Variants in DOCK4 observed in about 807,000 individuals in gnomAD.
The protein encoded by DOCK4 is dedicator of cytokinesis 4, also known as dedicator of cytokinesis protein 4.
A neutral mutation model predicts 268.1 loss-of-function variants in DOCK4; 97 were observed. The observed-to-expected ratio is 0.36, with a 90% CI of 0.31 to 0.43. The LOEUF (loss-of-function observed/expected upper bound fraction) is 0.43. DOCK4 is among the 20% of genes least tolerant of loss of function. The pLI is 1.00. For missense variants in DOCK4, 2,145 were observed against 2,455.7 expected (o/e 0.87, Z 2.67); for synonymous variants, 954 against 887.2 (o/e 1.08, Z -1.34).
At chr7:111,940,689 A>G (rs1795136123) in intron 10 of DOCK4, among the ~76,000 whole-genome samples, 1 of 152,232 alleles carries the variant, frequency 6.6e-6, no homozygotes, top group African/African-American at 2.4e-5. Context: ...GCAAGTAAGC[A>G]CAGGTGATCA....
chr7:112,204,257 A>T (rs1587057744), intron 1 of DOCK4, among the ~76,000 whole-genome samples: 2 of 152,322 alleles, frequency 1.3e-5, no homozygotes, highest in Admixed American at 1.3e-4. Flanking sequence ...GTGACCTGGC[A>T]CATGAAGAAA....
At chr7:112,139,137 G>C (rs1048012873) in intron 1 of DOCK4, among the ~76,000 whole-genome samples, 1 of 152,200 alleles carries the variant, frequency 6.6e-6, no homozygotes, top group South Asian at 2.1e-4. Flanking sequence ...ATAAGAAACC[G>C]GTAGCTTCAA....
rs1371121648 is a variant in DOCK4 at position 112,181,660 on chromosome 7, G to A, written c.37+24442C>T. ...GTCTCAAAAAAAAAAAAAAAAAAAA[G>A]CTTGACACTGAAAACCAGAAGAGGA... On this transcript the variant is annotated intron_variant, in intron 1 of 52. Coordinates refer to ENST00000428084, the MANE Select transcript of DOCK4 (RefSeq NM_001363540.2). Among the ~76,000 whole-genome samples, 82 of 56,656 alleles carry A rather than the reference G, an allele frequency of 1.4e-3. 1 individual carries two copies. The highest frequency in any genetic ancestry group is 1.6e-3 in the Non-Finnish European group (44 of 27,032). The allele number at this position is 56,656 out of a possible 152,430, so 37.2% of individuals were successfully genotyped here. A position where few individuals can be genotyped will look rare whatever the true frequency, so the allele number is the denominator to read the frequency against.
intron 51 of DOCK4, among the ~76,000 whole-genome samples, chr7:111,732,687 C>T (rs1795184116): frequency 6.6e-6 from 1 of 152,146 alleles, no homozygotes; most frequent in Admixed American, 6.5e-5. Flanking sequence ...GGCGTGAGCA[C>T]CAATGGGAAC....
intron 1 of DOCK4, among the ~76,000 whole-genome samples, chr7:112,042,511 T>C (rs528233773): frequency 1.1e-4 from 16 of 152,250 alleles, no homozygotes; most frequent in African/African-American, 3.9e-4. Context: ...TAACACATGC[T>C]GAGTAGAAGT....
At position 111,937,351 on chromosome 7, in the gene DOCK4, T is replaced by A. The variant is rs138047965; in HGVS notation, c.978-1723A>T. On this transcript the variant is annotated intron_variant, in intron 11 of 52. Coordinates refer to ENST00000428084, the MANE Select transcript of DOCK4 (RefSeq NM_001363540.2). ...GGTTAGTATTACTCTTGAAACAGCA[T>A]CACTATTTGCTGAATGGGCATTTTT... 3.3e-5 allele frequency among the ~76,000 whole-genome samples: 5 copies of A among 152,314 alleles called. No homozygotes were observed. In the East Asian group the frequency reaches 9.6e-4, roughly 29 times the overall value.
intron 8 of DOCK4, among the ~76,000 whole-genome samples, chr7:111,949,922 C>A (rs1242001150): frequency 1.3e-5 from 2 of 152,044 alleles, no homozygotes; most frequent in African/African-American, 4.8e-5. Flanking sequence ...ATACTGCATT[C>A]TTTTTTTTCC....
At chr7:111,977,040 A>G in intron 8 of DOCK4, 92 bp downstream of exon 8, 1 of 1,407,540 alleles carries the variant, frequency 7.1e-7, no homozygotes, top group South Asian at 1.6e-5. Flanking sequence ...GGAGTAAAAA[A>G]TATACAAGAT....
rs144414657 is a variant in DOCK4, at chr7:112,133,498, G to A, written c.37+72604C>T. ...TGTAATCCCAGCACTTTGGCAGGCC[G>A]AGGCGGGTGTATCACTTGAACTAAG... On this transcript the variant is annotated intron_variant, in intron 1 of 52. Coordinates refer to ENST00000428084, the MANE Select transcript of DOCK4 (RefSeq NM_001363540.2). Among the ~76,000 whole-genome samples the A allele has an allele frequency of 6.3e-3, 952 of 152,198 alleles. 11 individuals carry two copies. Among genetic ancestry groups the A allele is most frequent in the African/African-American group, 0.022 (899 of 41,510 alleles).
At chr7:111,894,158 C>T (rs971585605) in intron 16 of DOCK4, among the ~76,000 whole-genome samples, 1 of 150,168 alleles carries the variant, frequency 6.7e-6, no homozygotes, top group South Asian at 2.1e-4. Context: ...GGAGGCAGAG[C>T]TTGCAGTGAG....
rs1464068501 is a variant in DOCK4 at position 111,782,919 on chromosome 7, C to A, written c.3530G>T (p.Cys1177Phe). The A allele has an allele frequency of 6.2e-7, 1 of 1,612,738 alleles. No individual in the cohort carries two copies. The highest frequency in any genetic ancestry group is 2.2e-5 in the East Asian group (1 of 44,824). ...LMERLLDYRD[C>F]MKMGEVDGKK... ...GCCATCTACCTCTCCCATTTTCATG[C>A]AGTCCCTAAAAACAAAAAGCAATAG... is the stretch of plus-strand genomic sequence containing the variant. The change falls in exon 35 of 53, where the codon TGC becomes TTC. Residue 1177 changes from cysteine (C) to phenylalanine (F), a missense_variant. Cys to Phe is a radical substitution (Grantham distance 205). Coordinates refer to ENST00000428084, the MANE Select transcript of DOCK4 (RefSeq NM_001363540.2).
intron 1 of DOCK4, among the ~76,000 whole-genome samples, chr7:112,058,111 G>A (rs1806014738): frequency 6.9e-6 from 1 of 144,114 alleles, no homozygotes; most frequent in Non-Finnish European, 1.5e-5. Context: ...CAAAATGTTT[G>A]GAAAATATTT....
chr7:112,076,510 G>C (rs574724382), intron 1 of DOCK4, among the ~76,000 whole-genome samples: 1 of 151,946 alleles, frequency 6.6e-6, no homozygotes, highest in Non-Finnish European at 1.5e-5. Context: ...TGGCTTTTTT[G>C]ATTATTTATG....
At position 112,009,919 on chromosome 7, in the gene DOCK4, C is replaced by A. The variant is rs1801153000; in HGVS notation, c.38-5788G>T. Among the ~76,000 whole-genome samples, 3 of 152,186 alleles carry A rather than the reference C, an allele frequency of 2.0e-5. No homozygotes were observed. In the South Asian group the frequency reaches 6.2e-4, roughly 31 times the overall value. On this transcript the variant is annotated intron_variant, in intron 1 of 52. Transcript: ENST00000428084. The stretch of plus-strand genomic sequence containing the variant: ...GAAACCTCCACTTCCCAGGCTCAAG[C>A]CATCCTCCCACCTCAGCCTCCTCAG...
rs184963413 is a variant in DOCK4 at position 112,017,073 on chromosome 7, A to G, written c.38-12942T>C. Among the ~76,000 whole-genome samples the G allele has an allele frequency of 9.1e-4, 138 of 152,330 alleles. 1 individual carries two copies. Among genetic ancestry groups the G allele is most frequent in the Admixed American group, 2.0e-3 (31 of 15,300 alleles). ...ATCACTGACTTATAAAGGAATCTAG[A>G]TAAAATTATATATATTTGTTTCATT... On this transcript the variant is annotated intron_variant, in intron 1 of 52. Transcript: ENST00000428084.
chr7:112,114,260 G>T (rs141373970), intron 1 of DOCK4, among the ~76,000 whole-genome samples: 1 of 152,178 alleles, frequency 6.6e-6, no homozygotes, highest in African/African-American at 2.4e-5. Context: ...CTGTAATACA[G>T]ATCATCCAAA....
At chr7:112,061,780 C>CACAG (rs1806427819) in intron 1 of DOCK4, among the ~76,000 whole-genome samples, 1 of 151,230 alleles carries the variant, frequency 6.6e-6, no homozygotes, top group African/African-American at 2.4e-5. Context: ...CACACACACA[C>CACAG]ACACGATGTA....
intron 30 of DOCK4, among the ~76,000 whole-genome samples, chr7:111,799,172 A>G (rs1800097257): frequency 6.6e-6 from 1 of 152,244 alleles, no homozygotes; most frequent in Non-Finnish European, 1.5e-5. Flanking sequence ...CATACTTTCC[A>G]GCCCTCAGAA....
chr7:112,143,805 G>C (rs1382571120), intron 1 of DOCK4, among the ~76,000 whole-genome samples: 2 of 152,182 alleles, frequency 1.3e-5, no homozygotes, highest in Non-Finnish European at 2.9e-5. Flanking sequence ...AACCTCATCT[G>C]AACCACATCA....
Sources: allele counts gnomAD v4.1 joint callset (sites outside exome capture counted in the v4.1 genomes callset), GRCh38; gene constraint gnomAD v4.1.1; transcripts MANE v1.5; gene names NCBI Gene and HGNC (gene_info 2026-07-23, HGNC 2026-07-21).